PPP6R1: variants seen among roughly 807,000 people sequenced by gnomAD.
The protein encoded by PPP6R1 is protein phosphatase 6 regulatory subunit 1.
A neutral mutation model predicts 104.6 loss-of-function variants in PPP6R1; 39 were observed. The observed-to-expected ratio is 0.37, with a 90% CI of 0.29 to 0.49. The LOEUF is 0.49. PPP6R1 is among the 20% of genes least tolerant of loss of function. The pLI is 0.98. For synonymous variants in PPP6R1, 549 were observed against 479.0 expected (o/e 1.15, Z -1.91); for missense variants, 1,181 against 1,155.8 (o/e 1.02, Z -0.32).
rs1463002105 is a variant in PPP6R1 at position 55,233,614 on chromosome 19, A to G, written c.1989-1403T>C. On this transcript the variant is annotated intron_variant, in intron 17 of 23. Coordinates refer to ENST00000412770, the MANE Select transcript of PPP6R1 (RefSeq NM_014931.4). ...AGCAAGGTTGCAGGATGAAAGATCA[A>G]CATACAAAAACCTATTGTATTTTCA... is the stretch of plus-strand genomic sequence containing the variant. Among the ~76,000 whole-genome samples the G allele has an allele frequency of 1.2e-4, 19 of 152,236 alleles. 1 individual carries two copies. Among genetic ancestry groups the G allele is most frequent in the Admixed American group, 1.2e-3 (19 of 15,286 alleles).
chr19:55,242,751 G>A (rs1022573947), intron 5 of PPP6R1: 6 of 478,028 alleles, frequency 1.3e-5, no homozygotes, highest in African/African-American at 5.9e-5. Context: ...TGGCAGCACC[G>A]CCCACAATGA....
chr19:55,239,326 G>A (rs1462038019), intron 15 of PPP6R1, 79 bp downstream of exon 15: 3 of 1,378,708 alleles, frequency 2.2e-6, no homozygotes, highest in Admixed American at 1.9e-5. Flanking sequence ...GTAGGTGCGT[G>A]CAGGGGACAG....
In PPP6R1 at chr19:55,230,319, G is replaced by T; in HGVS notation, c.*209C>A. 2 of 619,608 alleles carry T rather than the reference G, an allele frequency of 3.2e-6. No individual in the cohort carries two copies. Among genetic ancestry groups the T allele is most frequent in the Non-Finnish European group, 5.7e-6 (2 of 353,216 alleles). The allele number at this position is 619,608 out of a possible 1,614,324, so 38.4% of individuals were successfully genotyped here. A position where few individuals can be genotyped will look rare whatever the true frequency, so the allele number is the denominator to read the frequency against. On this transcript the variant is annotated 3_prime_UTR_variant, in exon 24 of 24. Transcript: ENST00000412770. ...GACTCTCTGTATCTTTATTCTAGGA[G>T]GCAACGCTCCAAAACTTCTCTTCTC...
Position 55,230,194 on chromosome 19 carries a change from G to A in PPP6R1, c.*334C>T. 1 of 318,574 alleles carries A rather than the reference G, an allele frequency of 3.1e-6. No individual in the cohort carries two copies. Among genetic ancestry groups the A allele is most frequent in the South Asian group, 5.2e-5 (1 of 19,264 alleles). The allele number at this position is 318,574 out of a possible 1,614,324, so 19.7% of individuals were successfully genotyped here. A position where few individuals can be genotyped will look rare whatever the true frequency, so the allele number is the denominator to read the frequency against. ...ACGGAACAGGGAAGGCTGTGCTTTG[G>A]AGCCGCCAGCCCAGTTCGGTGTCCT... On this transcript the variant is annotated 3_prime_UTR_variant, in exon 24 of 24. Transcript: ENST00000412770.
chr19:55,245,225 C>G lies in PPP6R1; in HGVS notation c.552+40G>C, dbSNP rs774912009. On this transcript the variant is annotated intron_variant, in intron 4 of 23. Transcript: ENST00000412770. This position sits in a 1 kb window ranked among gnomAD's most constrained non-coding sequence, Gnocchi z 6.4. ...GCGAGGGATGCATCGCTGTCCACCA[C>G]GCCCAGCCCCCCACCCCCAGAGGAG... is the stretch of plus-strand genomic sequence containing the variant. 3.1e-6 allele frequency: 5 copies of G among 1,604,786 alleles called. No homozygotes were observed. The highest frequency in any genetic ancestry group is 4.3e-6 in the Non-Finnish European group (5 of 1,175,964).
Position 55,239,628 on chromosome 19 carries a change from T to G in PPP6R1, c.1619A>C (p.Glu540Ala), listed in dbSNP as rs1356013690. ...CACAGCCTCCTCAGGGAAGTTGAAC[T>G]CCTTGAGCCGGTCGTCCTCATCGTC... ...SSDDEDDRLKEFNFPEEAVLQ... is the reference protein window; with the variant it reads ...SSDDEDDRLKAFNFPEEAVLQ... The change falls in exon 14 of 24, where the codon GAG becomes GCG. Residue 540 changes from glutamate (E) to alanine (A), a missense_variant. By Grantham distance (107) the Glu-to-Ala change is moderately radical. Transcript: ENST00000412770. 1 of 1,612,112 alleles carries G rather than the reference T, an allele frequency of 6.2e-7. No homozygotes were observed.
chr19:55,247,171 GC>G, intron 1 of PPP6R1, 62 bp from the exon 2 acceptor site: 1 of 1,529,222 alleles, frequency 6.5e-7, no homozygotes, highest in South Asian at 1.1e-5. Context: ...ACTGGACGAG[GC>G]ACTGACCACA....
At chr19:55,257,540 C>CT (rs2087602553) in intron 1 of PPP6R1, among the ~76,000 whole-genome samples, 1 of 152,170 alleles carries the variant, frequency 6.6e-6, no homozygotes, top group Non-Finnish European at 1.5e-5. Context: ...TCCGACCTTC[C>CT]TTCCTTGACA....
Position 55,236,761 on chromosome 19 carries a change from C to T in PPP6R1, c.1870G>A (p.Glu624Lys), listed in dbSNP as rs1328030001. 1.9e-6 allele frequency: 3 copies of T among 1,613,914 alleles called. No individual in the cohort carries two copies. The highest frequency in any genetic ancestry group is 2.5e-6 in the Non-Finnish European group (3 of 1,179,844). The change falls in exon 17 of 24, where the codon GAG becomes AAG. Residue 624 changes from glutamate to lysine, a missense_variant. Transcript: ENST00000412770. ...KDRIQQFDDDEEEEDEEEAQG... is the reference protein window; with the variant it reads ...KDRIQQFDDDKEEEDEEEAQG... ...GCCTCTTCCTCGTCCTCCTCTTCCT[C>T]ATCATCATCAAACTGCTGGATGCGG...
At chr19:55,239,534 A>T in intron 14 of PPP6R1, 32 bp from the exon 15 acceptor site, 1 of 1,611,460 alleles carries the variant, frequency 6.2e-7, no homozygotes, top group Non-Finnish European at 8.5e-7. Context: ...GGCTGGAGGG[A>T]GTTGGGCAGG....
At chr19:55,250,832 C>T (rs1290838952) in intron 1 of PPP6R1, among the ~76,000 whole-genome samples, 1 of 152,148 alleles carries the variant, frequency 6.6e-6, no homozygotes, top group East Asian at 1.9e-4. Context: ...CGGCAGGCCC[C>T]CCACACTCGA....
chr19:55,247,215 C>CT (rs770014106), intron 1 of PPP6R1, 106 bp from the exon 2 acceptor site: 2 of 1,185,898 alleles, frequency 1.7e-6, no homozygotes, highest in Non-Finnish European at 2.4e-6. Context: ...CACAGCCTCT[C>CT]CCCAAGTCCC....
rs1272477201 is a variant in PPP6R1 at position 55,239,674 on chromosome 19, G to A, written c.1573C>T (p.His525Tyr). 2.3e-5 allele frequency: 37 copies of A among 1,610,938 alleles called. No individual in the cohort carries two copies. Among genetic ancestry groups the A allele is most frequent in the Non-Finnish European group, 3.1e-5 (36 of 1,178,466 alleles). ...KKNMVDLVNT[H>Y]HLHSSSDDED... Reference sequence around the variant, plus strand: ...TCGTCACTGGAGGAGTGTAGGTGGTGGGTGTTCACCTGGGGAGAGGAGGGG... The same window carrying A: ...TCGTCACTGGAGGAGTGTAGGTGGTAGGTGTTCACCTGGGGAGAGGAGGGG... Residue 525 changes from histidine to tyrosine, a missense_variant, in exon 14 of 24, where the codon CAC becomes TAC. His to Tyr is a moderately conservative substitution (Grantham distance 83). Around this residue, in one of 2 missense-constraint regions of PPP6R1, gnomAD observed 1,042 missense variants for 955.6 expected, o/e 1.09. Transcript: ENST00000412770.
chr19:55,237,652 G>A (rs1347661011), intron 15 of PPP6R1, among the ~76,000 whole-genome samples: 2 of 152,228 alleles, frequency 1.3e-5, no homozygotes, highest in South Asian at 2.1e-4. Context: ...CACTAAGTAT[G>A]TGACAGACAT....
chr19:55,248,627 T>G (rs1285275991), intron 1 of PPP6R1, among the ~76,000 whole-genome samples: 1 of 152,310 alleles, frequency 6.6e-6, no homozygotes, highest in Middle Eastern at 3.4e-3. Context: ...TCATTCCCTC[T>G]GCACAGGCCT....
In PPP6R1 at chr19:55,230,287, T is replaced by G. The variant is rs1230482792; in HGVS notation, c.*241A>C. ...TATATGTTTCTCTCTCTCCATTCTC[T>G]CTATTTGACTCTCTGTATCTTTATT... On this transcript the variant is annotated 3_prime_UTR_variant, in exon 24 of 24. Coordinates refer to ENST00000412770, the MANE Select transcript of PPP6R1 (RefSeq NM_014931.4). The G allele has an allele frequency of 1.4e-5, 8 of 589,452 alleles. No individual in the cohort carries two copies. The highest frequency in any genetic ancestry group is 1.8e-5 in the Non-Finnish European group (6 of 330,686). The allele number at this position is 589,452 out of a possible 1,614,324, so 36.5% of individuals were successfully genotyped here.
At chr19:55,232,346 C>A in intron 17 of PPP6R1, 135 bp from the exon 18 acceptor site, 1 of 1,364,780 alleles carries the variant, frequency 7.3e-7, no homozygotes, top group Non-Finnish European at 9.6e-7. Context: ...GTCCAGGGAG[C>A]CTGGGGTGTG....
At position 55,243,078 on chromosome 19, in the gene PPP6R1, G is replaced by A. The variant is rs149678039; in HGVS notation, c.619-590C>T. On this transcript the variant is annotated intron_variant, in intron 5 of 23. Transcript: ENST00000412770. ...TTATTTTTTCTGGAGAAAGGGTCTC[G>A]GCTGGGTGTGATGGCACATGCCTAT... 5.7e-3 allele frequency among the ~76,000 whole-genome samples: 872 copies of A among 152,210 alleles called. 33 individuals carry two copies. Among genetic ancestry groups the A allele is most frequent in the Admixed American group, 0.05 (758 of 15,298 alleles).
chr19:55,237,107 CAACCCG>C, intron 15 of PPP6R1, 137 bp from the exon 16 acceptor site: 1 of 868,168 alleles, frequency 1.2e-6, no homozygotes, highest in South Asian at 1.5e-5. Context: ...AATTCACACA[CAACCCG>C]AACCACTGGT....
Sources: allele counts gnomAD v4.1 joint callset (sites outside exome capture counted in the v4.1 genomes callset), GRCh38; gene constraint gnomAD v4.1.1; regional missense constraint gnomAD v4.1.1; non-coding constraint Gnocchi (gnomAD v3.1); transcripts MANE v1.5; gene names NCBI Gene and HGNC (gene_info 2026-07-23, HGNC 2026-07-21).